The following DSTN variants were observed in gnomAD, a reference collection of about 807,000 sequenced individuals.
DSTN encodes destrin.
A neutral mutation model predicts 16.8 loss-of-function variants in DSTN; 10 were observed. The observed-to-expected ratio is 0.60, with a 90% CI of 0.37 to 1.01. The LOEUF is 1.01. Ranked by LOEUF, DSTN falls within the 50% of genes least tolerant of loss-of-function variation. The pLI is 0.01. For missense variants in DSTN, 141 were observed against 196.7 expected (o/e 0.72, Z 1.69); for synonymous variants, 57 against 58.9 (o/e 0.97, Z 0.14).
chr20:17,574,863 T>TTA, intron 1 of DSTN, among the ~76,000 whole-genome samples: 1 of 125,010 alleles, frequency 8.0e-6, no homozygotes, highest in African/African-American at 3.4e-5. Context: ...TTCTTTTCTT[T>TTA]TCTTTTGTTT....
chr20:17,600,718 C>T lies in DSTN; in HGVS notation c.4-20C>T, dbSNP rs1387503681. 6.5e-7 allele frequency: 1 copy of T among 1,541,050 alleles called. No homozygotes were observed. The highest frequency in any genetic ancestry group is 8.7e-7 in the Non-Finnish European group (1 of 1,147,504). ...CAATAAAAATTGTAAGTCTTTTTCT[C>T]ATGTATTTTCTCATCATAGGCCTCA... On this transcript the variant is annotated intron_variant, in intron 1 of 3. Coordinates refer to ENST00000246069, the MANE Select transcript of DSTN (RefSeq NM_006870.4).
In DSTN at chr20:17,582,367, C is replaced by T. The variant is rs1165889691; in HGVS notation, c.3+12156C>T. On this transcript the variant is annotated intron_variant, in intron 1 of 3. Transcript: ENST00000246069. ...GTGCTGGGATTACAGGTGTGAACCA[C>T]CACACCCGGCCCCGAAGTATACATT... Among the ~76,000 whole-genome samples the T allele has an allele frequency of 2.6e-5, 4 of 152,130 alleles. No individual in the cohort carries two copies. The South Asian group carries it at 6.2e-4, about 24-fold the overall frequency.
Position 17,607,123 on chromosome 20 carries a change from G to C in DSTN, c.475G>C (p.Ala159Pro). Residue 159 changes from alanine to proline, a missense_variant, in exon 4 of 4, where the codon GCC (alanine) becomes CCC (proline). Physicochemically the swap from Ala to Pro is conservative, Grantham distance 27. Transcript: ENST00000246069. ...AEKLGGSLIVAFEGCPV is the reference protein window; with the variant it reads ...AEKLGGSLIVPFEGCPV ...AAAGTTAGGTGGATCCTTAATTGTA[G>C]CCTTTGAAGGATGCCCTGTGTAGAT... 1.2e-6 allele frequency: 2 copies of C among 1,612,536 alleles called. No individual in the cohort carries two copies. The highest frequency in any genetic ancestry group is 1.7e-6 in the Non-Finnish European group (2 of 1,179,948).
chr20:17,578,685 G>T (rs1211617013), intron 1 of DSTN, among the ~76,000 whole-genome samples: 1 of 152,200 alleles, frequency 6.6e-6, no homozygotes, highest in Non-Finnish European at 1.5e-5. Context: ...AAGTGGCCGG[G>T]CGTGGTGGCT....
intron 1 of DSTN, among the ~76,000 whole-genome samples, chr20:17,577,760 C>T (rs1445077855): frequency 6.6e-6 from 1 of 151,528 alleles, no homozygotes; most frequent in African/African-American, 2.4e-5. Flanking sequence ...GTTTGAAATC[C>T]AGTATATATT....
intron 1 of DSTN, among the ~76,000 whole-genome samples, chr20:17,584,555 G>GGCCT (rs2035385324): frequency 2.0e-5 from 3 of 152,002 alleles, no homozygotes. Flanking sequence ...GGGAGGCTGA[G>GGCCT]GCAGGAGAGT....
chr20:17,571,418 C>G (rs1008191319), intron 1 of DSTN, among the ~76,000 whole-genome samples: 1 of 152,140 alleles, frequency 6.6e-6, no homozygotes, highest in African/African-American at 2.4e-5. Flanking sequence ...AAAGATAAAC[C>G]GGTAGTTTCT....
chr20:17,596,372 ACTGT>A (rs935616798), intron 1 of DSTN, among the ~76,000 whole-genome samples: 4 of 152,132 alleles, frequency 2.6e-5, no homozygotes, highest in African/African-American at 9.7e-5. Context: ...TATTTCTGCC[ACTGT>A]CTGGTCATCT....
intron 1 of DSTN, among the ~76,000 whole-genome samples, chr20:17,582,708 TG>T (rs1281705232): frequency 3.3e-5 from 5 of 152,218 alleles, no homozygotes; most frequent in Non-Finnish European, 7.3e-5. Context: ...TAACTTAAAA[TG>T]GATCATAAAT....
intron 3 of DSTN, chr20:17,605,182 G>C (rs2035628553): frequency 4.4e-6 from 2 of 456,284 alleles, no homozygotes; most frequent in East Asian, 1.4e-4. Flanking sequence ...CTGATGAGAT[G>C]GCCTGGCCAG....
At chr20:17,577,382 A>C (rs2035290549) in intron 1 of DSTN, among the ~76,000 whole-genome samples, 1 of 152,180 alleles carries the variant, frequency 6.6e-6, no homozygotes, top group South Asian at 2.1e-4. Flanking sequence ...AGCCTGACCA[A>C]CATGGAGAAA....
At position 17,593,538 on chromosome 20, in the gene DSTN, T is replaced by C. The variant is rs115942326; in HGVS notation, c.4-7200T>C. 1.0e-3 allele frequency among the ~76,000 whole-genome samples: 157 copies of C among 152,322 alleles called. 1 individual carries two copies. Among genetic ancestry groups the C allele is most frequent in the African/African-American group, 3.5e-3 (144 of 41,560 alleles). ...TGTGTGGTGGAGATACATGATCTTA[T>C]GGGAGCATGTGATACTGGTTTTGAT... On this transcript the variant is annotated intron_variant, in intron 1 of 3. Coordinates refer to ENST00000246069, the MANE Select transcript of DSTN (RefSeq NM_006870.4).
In DSTN at chr20:17,609,858, C is replaced by G. The variant is rs1301634193; in HGVS notation, c.*2712C>G. ...TGTTTGTGGAAAGCTGACTTAGTCTCATCTAGCGGTTACTCTCTTGCCCTG... is the reference window on the plus strand; with the variant it reads ...TGTTTGTGGAAAGCTGACTTAGTCTGATCTAGCGGTTACTCTCTTGCCCTG... On this transcript the variant is annotated 3_prime_UTR_variant, in exon 4 of 4. Coordinates refer to ENST00000246069, the MANE Select transcript of DSTN (RefSeq NM_006870.4). 6.6e-6 allele frequency: 1 copy of G among 152,182 alleles called. No individual in the cohort carries two copies. Among genetic ancestry groups the G allele is most frequent in the Admixed American group, 6.5e-5 (1 of 15,280 alleles). The allele number at this position is 152,182 out of a possible 1,614,324, so 9.4% of individuals were successfully genotyped here. A position where few individuals can be genotyped will look rare whatever the true frequency, so the allele number is the denominator to read the frequency against.
chr20:17,603,313 C>T (rs1212416179), intron 2 of DSTN, among the ~76,000 whole-genome samples: 1 of 152,144 alleles, frequency 6.6e-6, no homozygotes, highest in Non-Finnish European at 1.5e-5. Flanking sequence ...TTAATGACCT[C>T]CAGTAGGCTC....
intron 1 of DSTN, among the ~76,000 whole-genome samples, chr20:17,593,040 C>T (rs2035487034): frequency 6.6e-6 from 1 of 152,200 alleles, no homozygotes; most frequent in Non-Finnish European, 1.5e-5. Context: ...AGTCTCCAAA[C>T]CCCTGAACCT....
chr20:17,605,266 G>A (rs1206281113), intron 3 of DSTN: 1 of 427,864 alleles, frequency 2.3e-6, no homozygotes, highest in Non-Finnish European at 4.7e-6. Context: ...CCTGCACTGA[G>A]GGCGAAGCCT....
At chr20:17,590,099 C>T (rs532223106) in intron 1 of DSTN, among the ~76,000 whole-genome samples, 208 of 152,286 alleles carry the variant, frequency 1.4e-3, no homozygotes, top group Admixed American at 4.2e-3. Flanking sequence ...AGCTTTTGGA[C>T]TGGTTCAGTT....
chr20:17,603,088 C>G (rs2035604396), intron 2 of DSTN, among the ~76,000 whole-genome samples: 1 of 152,176 alleles, frequency 6.6e-6, no homozygotes, highest in African/African-American at 2.4e-5. Context: ...GTTGTGATGG[C>G]TCTGCCTCCT....
At chr20:17,570,258 G>A in intron 1 of DSTN, 47 bp downstream of exon 1, 2 of 1,470,434 alleles carry the variant, frequency 1.4e-6, no homozygotes, top group Non-Finnish European at 1.8e-6. Context: ...GCCGGGAGCA[G>A]TGTGTCTCTG....
Sources: allele counts gnomAD v4.1 joint callset (sites outside exome capture counted in the v4.1 genomes callset), GRCh38; gene constraint gnomAD v4.1.1; transcripts MANE v1.5; gene names NCBI Gene and HGNC (gene_info 2026-07-23, HGNC 2026-07-21).